Variants in ARHGAP44 observed in about 807,000 individuals in gnomAD.
The protein encoded by ARHGAP44 is rho GTPase-activating protein 44.
In ARHGAP44, 43 loss-of-function variants were observed where a neutral mutation model predicts 106.8. The ratio of observed to expected loss-of-function variants is 0.40; its 90% CI spans 0.32 to 0.52. ARHGAP44 has a LOEUF of 0.52. Ranked by LOEUF, ARHGAP44 falls within the 20% of genes least tolerant of loss-of-function variation. ARHGAP44 has a pLI of 0.48. For missense variants in ARHGAP44, 866 were observed against 1,050.5 expected (o/e 0.82, Z 2.43); for synonymous variants, 439 against 410.3 (o/e 1.07, Z -0.85).
chr17:12,970,495 G>A lies in ARHGAP44; in HGVS notation c.1524-2807G>A, dbSNP rs144856940. ...CTACCTCCTGCTTAGTGATTTCTAA[G>A]CCCTTTGCTTCACATAGATTCTTGC... On this transcript the variant is annotated intron_variant, in intron 16 of 20. Transcript: ENST00000379672. 7.7e-3 allele frequency among the ~76,000 whole-genome samples: 1,178 copies of A among 152,100 alleles called. 12 individuals are homozygous for A. Among genetic ancestry groups the A allele is most frequent in the African/African-American group, 0.027 (1,111 of 41,526 alleles).
chr17:12,807,254 A>G (rs1716189351), intron 1 of ARHGAP44, among the ~76,000 whole-genome samples: 1 of 152,196 alleles, frequency 6.6e-6, no homozygotes, highest in African/African-American at 2.4e-5. Flanking sequence ...GGGACAGAGT[A>G]AGTCCTCAGT....
intron 1 of ARHGAP44, among the ~76,000 whole-genome samples, chr17:12,869,208 A>G (rs2036332524): frequency 6.6e-6 from 1 of 152,144 alleles, no homozygotes; most frequent in Admixed American, 6.5e-5. Context: ...AATAATGTCT[A>G]GATATTTTGG....
At chr17:12,927,808 C>G (rs1190457436) in intron 6 of ARHGAP44, among the ~76,000 whole-genome samples, 1 of 152,178 alleles carries the variant, frequency 6.6e-6, no homozygotes, top group African/African-American at 2.4e-5. Flanking sequence ...TGTTTGTCCT[C>G]CTGATTACAG....
chr17:12,854,973 AAAAAAAAAAG>A (rs961961805), intron 1 of ARHGAP44, among the ~76,000 whole-genome samples: 1 of 151,492 alleles, frequency 6.6e-6, no homozygotes, highest in African/African-American at 2.4e-5. Flanking sequence ...AAAAAAAAAA[AAAAAAAAAAG>A]AAGCAGTGTC....
chr17:12,848,892 TA>T (rs2035649819), intron 1 of ARHGAP44, among the ~76,000 whole-genome samples: 2 of 151,808 alleles, frequency 1.3e-5, no homozygotes, highest in South Asian at 4.2e-4. Flanking sequence ...ACTAAAAAAA[TA>T]CAAAATTAGC....
At chr17:12,839,905 AGACT>A (rs1256557585) in intron 1 of ARHGAP44, among the ~76,000 whole-genome samples, 5 of 152,202 alleles carry the variant, frequency 3.3e-5, no homozygotes, top group Non-Finnish European at 7.3e-5. Flanking sequence ...TGCCACCCAA[AGACT>A]GACCTAAAAA....
At chr17:12,954,632 C>T (rs187902267) in intron 13 of ARHGAP44, among the ~76,000 whole-genome samples, 8 of 152,140 alleles carry the variant, frequency 5.3e-5, no homozygotes, top group Admixed American at 1.3e-4. Flanking sequence ...CCGAATGAGT[C>T]GCTTCACTAT....
chr17:12,960,118 C>G (rs2039222745), intron 16 of ARHGAP44, among the ~76,000 whole-genome samples: 1 of 152,122 alleles, frequency 6.6e-6, no homozygotes, highest in Non-Finnish European at 1.5e-5. Context: ...GTTACTTCAC[C>G]TATCAGAGAC....
At chr17:12,925,160 A>T (rs1442272514) in intron 6 of ARHGAP44, among the ~76,000 whole-genome samples, 1 of 152,132 alleles carries the variant, frequency 6.6e-6, no homozygotes, top group Non-Finnish European at 1.5e-5. Context: ...ATGTCTCCCC[A>T]CTATGAGCCC....
chr17:12,960,153 T>G (rs143441079), intron 16 of ARHGAP44, among the ~76,000 whole-genome samples: 21 of 152,252 alleles, frequency 1.4e-4, no homozygotes, highest in Middle Eastern at 3.4e-3. Flanking sequence ...AGATGGGAGT[T>G]GTTTGTGTGC....
intron 5 of ARHGAP44, among the ~76,000 whole-genome samples, chr17:12,918,701 T>C (rs1337334967): frequency 6.6e-6 from 1 of 152,198 alleles, no homozygotes; most frequent in Non-Finnish European, 1.5e-5. Context: ...CTCTCCACGC[T>C]CTTCCTCCTT....
intron 7 of ARHGAP44, among the ~76,000 whole-genome samples, chr17:12,938,012 C>T (rs2038596298): frequency 6.6e-6 from 1 of 151,902 alleles, no homozygotes; most frequent in Non-Finnish European, 1.5e-5. Context: ...GCAGGAGAAT[C>T]GCTTGAACCT....
intron 1 of ARHGAP44, among the ~76,000 whole-genome samples, chr17:12,860,554 A>G (rs889985579): frequency 6.6e-6 from 1 of 152,190 alleles, no homozygotes; most frequent in Admixed American, 6.6e-5. Flanking sequence ...TATCTCTACA[A>G]TATCTACAGA....
At chr17:12,941,013 T>A (rs751584424) in intron 7 of ARHGAP44, 43 bp from the exon 8 acceptor site, 2 of 1,577,686 alleles carry the variant, frequency 1.3e-6, no homozygotes, top group Non-Finnish European at 1.7e-6. Context: ...CCACTCTCCA[T>A]TGGTTTATGT....
intron 1 of ARHGAP44, among the ~76,000 whole-genome samples, chr17:12,849,196 A>G (rs1472146914): frequency 6.7e-6 from 1 of 149,974 alleles, no homozygotes; most frequent in Admixed American, 6.6e-5. Flanking sequence ...CACGCCAGAG[A>G]TCTTAAACTG....
chr17:12,804,785 C>T (rs2034223497), intron 1 of ARHGAP44, among the ~76,000 whole-genome samples: 1 of 152,162 alleles, frequency 6.6e-6, no homozygotes, highest in Non-Finnish European at 1.5e-5. Context: ...GTATTGTATT[C>T]TAGTTATACT....
At chr17:12,925,187 A>G (rs2038196068) in intron 6 of ARHGAP44, among the ~76,000 whole-genome samples, 1 of 152,080 alleles carries the variant, frequency 6.6e-6, no homozygotes, top group Non-Finnish European at 1.5e-5. Context: ...TTTTGCCCCA[A>G]TTCCGAAAGT....
At chr17:12,902,877 GTTAAC>G (rs1414822114) in intron 3 of ARHGAP44, among the ~76,000 whole-genome samples, 4 of 152,268 alleles carry the variant, frequency 2.6e-5, no homozygotes, top group Admixed American at 6.5e-5. Context: ...CTTGTGCAAT[GTTAAC>G]TTAAGTAAAT....
intron 16 of ARHGAP44, among the ~76,000 whole-genome samples, chr17:12,965,760 C>T (rs2039375620): frequency 6.6e-6 from 1 of 152,114 alleles, no homozygotes; most frequent in Non-Finnish European, 1.5e-5. Flanking sequence ...TATCACAACA[C>T]CTGAGATAAA....
Sources: allele counts gnomAD v4.1 joint callset (sites outside exome capture counted in the v4.1 genomes callset), GRCh38; gene constraint gnomAD v4.1.1; transcripts MANE v1.5; gene names NCBI Gene and HGNC (gene_info 2026-07-23, HGNC 2026-07-21).